Variants in CD4 observed in about 807,000 individuals in gnomAD.
CD4 encodes CD4 molecule.
In CD4, 25 loss-of-function variants were observed where a neutral mutation model predicts 50.5. The ratio of observed to expected loss-of-function variants is 0.49; its 90% CI spans 0.36 to 0.69. The LOEUF is 0.69. Among genes scored for constraint, CD4 ranks in the 30% least tolerant of loss-of-function variants. CD4 has a pLI of 0.00. For missense variants in CD4, 456 were observed against 548.5 expected (o/e 0.83, Z 1.68); for synonymous variants, 207 against 221.9 (o/e 0.93, Z 0.60).
At chr12:6,808,003 C>G (rs1555116456) in intron 3 of CD4, among the ~76,000 whole-genome samples, 5 of 147,626 alleles carry the variant, frequency 3.4e-5, no homozygotes, top group Non-Finnish European at 7.4e-5. Flanking sequence ...TTGCTTGAAC[C>G]CGGGAGGTGG....
chr12:6,795,142 T>TATCTA (rs1227398528), intron 1 of CD4, among the ~76,000 whole-genome samples: 2 of 121,586 alleles, frequency 1.6e-5, no homozygotes, highest in Non-Finnish European at 3.6e-5. Context: ...CTATCTAATC[T>TATCTA]ATCTTTCTGT....
chr12:6,796,181 T>G (rs1942371827), intron 1 of CD4, among the ~76,000 whole-genome samples: 1 of 152,206 alleles, frequency 6.6e-6, no homozygotes, highest in African/African-American at 2.4e-5. Context: ...GCCACACAGC[T>G]GGCTAGACTG....
intron 5 of CD4, 90 bp downstream of exon 5, chr12:6,815,082 G>T (rs1943051240): frequency 1.1e-6 from 1 of 886,604 alleles, no homozygotes; most frequent in African/African-American, 1.7e-5. Context: ...TTCTGGTTCT[G>T]GTGCTGGGAG....
chr12:6,802,019 G>A (rs781830268), intron 3 of CD4, among the ~76,000 whole-genome samples: 11 of 151,652 alleles, frequency 7.3e-5, no homozygotes, highest in Middle Eastern at 3.4e-3. Context: ...GACTACAGGC[G>A]TGTGCCACCA....
chr12:6,796,356 G>C (rs1043915769), intron 1 of CD4, among the ~76,000 whole-genome samples: 1 of 152,202 alleles, frequency 6.6e-6, no homozygotes, highest in African/African-American at 2.4e-5. Flanking sequence ...AGATGCCACT[G>C]GGGGAAAGAA....
chr12:6,807,584 G>A (rs1022987279), intron 3 of CD4, among the ~76,000 whole-genome samples: 16 of 151,992 alleles, frequency 1.1e-4, no homozygotes, highest in African/African-American at 3.6e-4. Flanking sequence ...GAGGGGAAGG[G>A]GTATGGCTAC....
intron 3 of CD4, among the ~76,000 whole-genome samples, chr12:6,813,171 C>T (rs1942987679): frequency 6.6e-6 from 1 of 151,496 alleles, no homozygotes; most frequent in South Asian, 2.1e-4. Context: ...GACTTCTGGG[C>T]TCAAGTGATT....
intron 3 of CD4, among the ~76,000 whole-genome samples, chr12:6,806,067 G>A (rs1234184479): frequency 6.6e-6 from 1 of 151,672 alleles, no homozygotes; most frequent in Non-Finnish European, 1.5e-5. Flanking sequence ...GGGAGGCTGA[G>A]GCAGGCTGAT....
chr12:6,810,772 G>T (rs1252901439), intron 3 of CD4, among the ~76,000 whole-genome samples: 1 of 152,168 alleles, frequency 6.6e-6, no homozygotes, highest in African/African-American at 2.4e-5. Context: ...TGAATTTCAG[G>T]GTAAGCTGGG....
chr12:6,813,952 G>T, intron 3 of CD4, 190 bp from the exon 4 acceptor site: 1 of 537,518 alleles, frequency 1.9e-6, no homozygotes, highest in Non-Finnish European at 3.3e-6. Flanking sequence ...GTATTTGTGA[G>T]CTACTGTCCC....
intron 3 of CD4, among the ~76,000 whole-genome samples, chr12:6,804,162 GCACACACACACACACACA>G (rs57392353): frequency 6.7e-6 from 1 of 150,348 alleles, no homozygotes; most frequent in African/African-American, 2.5e-5. Context: ...AAAATAAAAA[GCACACACACACACACACA>G]CACACACACA....
In CD4 at chr12:6,801,878, C is replaced by CT. The variant is rs782299083; in HGVS notation, c.214+1419dup. On this transcript the variant is annotated intron_variant, in intron 3 of 9. Transcript: ENST00000011653. ...CCCGGCCCAGAATCATTTTTTTCTA[C>CT]TTTTTTTTTTTTGAGGCAAACTCTC... 7.1e-3 allele frequency among the ~76,000 whole-genome samples: 811 copies of CT among 114,014 alleles called. 2 individuals carry two copies. Among genetic ancestry groups the CT allele is most frequent in the Non-Finnish European group, 0.011 (569 of 54,126 alleles). 74.8% of individuals were successfully genotyped at this position (114,014 alleles called of 152,430 possible). A position where few individuals can be genotyped will look rare whatever the true frequency, so the allele number is the denominator to read the frequency against.
intron 1 of CD4, chr12:6,798,740 A>G (rs1942452462): frequency 6.6e-6 from 1 of 152,240 alleles, no homozygotes. Flanking sequence ...TGTCCCACAC[A>G]TTTCTACAGC....
At chr12:6,794,377 CTT>C (rs111700025) in intron 1 of CD4, among the ~76,000 whole-genome samples, 1 of 131,728 alleles carries the variant, frequency 7.6e-6, no homozygotes, top group Non-Finnish European at 1.6e-5. Flanking sequence ...ATATATCTAT[CTT>C]TTTTTTTTTT....
chr12:6,794,992 G>A (rs1591542488), intron 1 of CD4, among the ~76,000 whole-genome samples: 3 of 150,934 alleles, frequency 2.0e-5, no homozygotes, highest in Non-Finnish European at 4.4e-5. Context: ...CACCATGTTG[G>A]TCAGGCTTGT....
At chr12:6,793,664 CTATCT>C (rs1417100484) in intron 1 of CD4, among the ~76,000 whole-genome samples, 2 of 83,476 alleles carry the variant, frequency 2.4e-5, no homozygotes, top group Admixed American at 1.2e-4. Context: ...ATCTATCTAT[CTATCT>C]ATCTATCTAT....
At chr12:6,801,186 G>A (rs1236967812) in intron 3 of CD4, among the ~76,000 whole-genome samples, 1 of 151,224 alleles carries the variant, frequency 6.6e-6, no homozygotes, top group East Asian at 2.0e-4. Flanking sequence ...AATTACAGGT[G>A]TGTGTCACTA....
At chr12:6,805,202 AAAAAGAAAAG>A (rs1217007458) in intron 3 of CD4, among the ~76,000 whole-genome samples, 2 of 37,294 alleles carry the variant, frequency 5.4e-5, no homozygotes, top group South Asian at 9.6e-4. Flanking sequence ...AAAAAAAAAA[AAAAAGAAAAG>A]AAAAGAAAAG....
Position 6,815,005 on chromosome 12 carries a change from C to A in CD4, c.607+13C>A. The A allele has an allele frequency of 6.4e-7, 1 of 1,569,494 alleles. No individual in the cohort carries two copies. The stretch of plus-strand genomic sequence containing the variant: ...ATCGTGGTGCTAGGTAAGGGAAGCC[C>A]CTCTTCGCGCAGTCTCCTCCCTGCC... On this transcript the variant is annotated intron_variant, in intron 5 of 9. Transcript: ENST00000011653.
Sources: gnomAD v4.1 joint callset for allele counts (sites outside exome capture counted in the v4.1 genomes callset) on GRCh38, gnomAD v4.1.1 for gene constraint, MANE v1.5 for transcripts, NCBI Gene and HGNC (gene_info 2026-07-23, HGNC 2026-07-21) for gene names.